Variants in ONECUT3 observed in about 807,000 individuals in gnomAD.
ONECUT3 encodes the protein one cut homeobox 3.
Under a neutral mutation model 16.8 loss-of-function variants are expected in ONECUT3, and 11 were observed. The observed-to-expected ratio is 0.66, with a 90% confidence interval of 0.41 to 1.09. The LOEUF (loss-of-function observed/expected upper bound fraction) is 1.09, where lower values mean the gene tolerates loss of function less well. Among genes scored for constraint, ONECUT3 ranks in the 50% least tolerant of loss-of-function variants. The pLI is 0.00. For missense variants in ONECUT3, 637 were observed against 629.9 expected (o/e 1.01, Z -0.12); for synonymous variants, 344 against 310.7 (o/e 1.11, Z -1.13).
At chr19:1,757,688 G>C (rs1270279251) in intron 1 of ONECUT3, among the ~76,000 whole-genome samples, 1 of 152,224 alleles carries the variant, frequency 6.6e-6, no homozygotes, top group East Asian at 1.9e-4. Context: ...AAGAGGTGGC[G>C]GGGGCGAGGG....
Position 1,775,495 on chromosome 19 carries a change from C to T in ONECUT3, c.*50C>T, listed in dbSNP as rs2068098583. ...TGCCTCCACGGCCTGGGCGCTGTGC[C>T]CCCACGTCACCTCCCCACATCCTGC... On this transcript the variant is annotated 3_prime_UTR_variant, in exon 2 of 2. Coordinates refer to ENST00000382349, the MANE Select transcript of ONECUT3 (RefSeq NM_001080488.2). 2 of 1,411,302 alleles carry T rather than the reference C, an allele frequency of 1.4e-6. No homozygotes were observed. Among genetic ancestry groups the T allele is most frequent in the Non-Finnish European group, 1.8e-6 (2 of 1,090,132 alleles). The allele number at this position is 1,411,302 out of a possible 1,614,324, so 87.4% of individuals were successfully genotyped here. A position where few individuals can be genotyped will look rare whatever the true frequency, so the allele number is the denominator to read the frequency against.
At position 1,775,623 on chromosome 19, in the gene ONECUT3, A is replaced by C; in HGVS notation, c.*178A>C. On this transcript the variant is annotated 3_prime_UTR_variant, in exon 2 of 2. Transcript: ENST00000382349. ...GCACACCCCCCAGCCCAAGTGCACA[A>C]AAAGGGCCCCCCTTCCTCCCTCCAT... 5.6e-6 allele frequency: 3 copies of C among 537,066 alleles called. No individual in the cohort carries two copies. Among genetic ancestry groups the C allele is most frequent in the Admixed American group, 4.2e-5 (1 of 23,642 alleles). 33.3% of individuals were successfully genotyped at this position (537,066 alleles called of 1,614,324 possible).
intron 1 of ONECUT3, among the ~76,000 whole-genome samples, chr19:1,765,953 G>A (rs958578857): frequency 4.6e-5 from 7 of 152,180 alleles, no homozygotes; most frequent in Non-Finnish European, 8.8e-5. Flanking sequence ...CAGCTCTCAC[G>A]TCTCACGTCC....
intron 1 of ONECUT3, 27 bp from the exon 2 acceptor site, chr19:1,775,126 G>GGGCCCCCCCCCCCCC: frequency 8.7e-5 from 100 of 1,143,762 alleles, no homozygotes; most frequent in Non-Finnish European, 1.1e-4. Context: ...TGTCCCGCTC[G>GGGCCCCCCCCCCCCC]CCCGCCCGCC....
Position 1,759,007 on chromosome 19 carries a change from G to A in ONECUT3, c.1192+4153G>A, listed in dbSNP as rs1350309298. 1.3e-5 allele frequency among the ~76,000 whole-genome samples: 2 copies of A among 152,176 alleles called. No homozygotes were observed. Among genetic ancestry groups the A allele is most frequent in the Admixed American group, 1.3e-4 (2 of 15,282 alleles). Reference sequence around the variant, plus strand: ...CCTCATCTCCTCCTGTGGGCACCATGGGGAGGCAGGAGCCCAGAATCCCTG... The same window carrying A: ...CCTCATCTCCTCCTGTGGGCACCATAGGGAGGCAGGAGCCCAGAATCCCTG... On this transcript the variant is annotated intron_variant, in intron 1 of 1. Transcript: ENST00000382349. This position sits in a 1 kb window ranked among gnomAD's most constrained non-coding sequence, Gnocchi z 4.1.
chr19:1,762,835 C>A lies in ONECUT3; in HGVS notation c.1192+7981C>A, dbSNP rs1365495388. On this transcript the variant is annotated intron_variant, in intron 1 of 1. Coordinates refer to ENST00000382349, the MANE Select transcript of ONECUT3 (RefSeq NM_001080488.2). This position sits in a 1 kb window ranked among gnomAD's most constrained non-coding sequence, Gnocchi z 4.4. ...CCCAGAACCGCGGCCGTCCTGGGTG[C>A]GCTCAGCTCCAGCGCAGTGGGAGGA... Among the ~76,000 whole-genome samples the A allele has an allele frequency of 2.0e-5, 3 of 150,518 alleles. No homozygotes were observed. The highest frequency in any genetic ancestry group is 4.4e-5 in the Non-Finnish European group (3 of 67,578).
At position 1,766,952 on chromosome 19, in the gene ONECUT3, A is replaced by G. The variant is rs1319806814; in HGVS notation, c.1193-8201A>G. Among the ~76,000 whole-genome samples the G allele has an allele frequency of 6.6e-6, 1 of 152,064 alleles. No homozygotes were observed. Among genetic ancestry groups the G allele is most frequent in the African/African-American group, 2.4e-5 (1 of 41,410 alleles). On this transcript the variant is annotated intron_variant, in intron 1 of 1. Transcript: ENST00000382349. The surrounding 1 kb of genome is among the most constrained non-coding windows in gnomAD (Gnocchi z 4.0). ...GCCCCACGAGGCTAAAAGGAGGAAC[A>G]GTGGCCCCTGGGAGTCCCAGAGGAG... is the stretch of plus-strand genomic sequence containing the variant.
Position 1,754,782 on chromosome 19 carries a change from G to A in ONECUT3, c.1120G>A (p.Glu374Lys). The change falls in exon 1 of 2, where the codon GAG (glutamate) becomes AAG (lysine). Residue 374 changes from glutamate to lysine, a missense_variant. By Grantham distance (56) the Glu-to-Lys change is moderately conservative. This residue lies in a region of ONECUT3 where 183 missense variants were observed against 188.3 expected (regional missense o/e 0.97). Coordinates refer to ENST00000382349, the MANE Select transcript of ONECUT3 (RefSeq NM_001080488.2). This position sits in a 1 kb window ranked among gnomAD's most constrained non-coding sequence, Gnocchi z 7.4. ...GTGGAGCAAGCTCAAATCCGGCCGC[G>A]AGACCTTCCGCAGGATGTGGAAGTG... ...KPWSKLKSGR[E>K]TFRRMWKWLQ... The A allele has an allele frequency of 6.4e-7, 1 of 1,564,390 alleles. No homozygotes were observed. Among genetic ancestry groups the A allele is most frequent in the Non-Finnish European group, 8.6e-7 (1 of 1,157,002 alleles).
In ONECUT3 at chr19:1,766,531, G is replaced by C. The variant is rs2145962835; in HGVS notation, c.1193-8622G>C. Among the ~76,000 whole-genome samples the C allele has an allele frequency of 6.6e-6, 1 of 151,472 alleles. No individual in the cohort carries two copies. The highest frequency in any genetic ancestry group is 2.4e-5 in the African/African-American group (1 of 41,290). On this transcript the variant is annotated intron_variant, in intron 1 of 1. Transcript: ENST00000382349. This position sits in a 1 kb window ranked among gnomAD's most constrained non-coding sequence, Gnocchi z 4.0. ...GAGGGAGGTAAAGAGAGGGAGGGAA[G>C]GAAAGGGAGGAAAAGAAAAGAGCAG...
rs1354381673 is a variant in ONECUT3, at chr19:1,755,459, TC to T, written c.1192+607del. Among the ~76,000 whole-genome samples the T allele has an allele frequency of 2.7e-5, 4 of 150,204 alleles. No individual in the cohort carries two copies. The highest frequency in any genetic ancestry group is 2.1e-4 in the South Asian group (1 of 4,696). Reference sequence around the variant, plus strand: ...CGATCGATACCCCCTCCCTCTCCCCTCCGGCCGCTGGCAAAGGTCACCCGAG... The same window carrying T: ...CGATCGATACCCCCTCCCTCTCCCCTCGGCCGCTGGCAAAGGTCACCCGAG... On this transcript the variant is annotated intron_variant, in intron 1 of 1. Coordinates refer to ENST00000382349, the MANE Select transcript of ONECUT3 (RefSeq NM_001080488.2). The surrounding 1 kb of genome is among the most constrained non-coding windows in gnomAD (Gnocchi z 7.5).
rs2145961553 is a variant in ONECUT3 at position 1,764,570 on chromosome 19, C to A, written c.1192+9716C>A. On this transcript the variant is annotated intron_variant, in intron 1 of 1. Coordinates refer to ENST00000382349, the MANE Select transcript of ONECUT3 (RefSeq NM_001080488.2). The surrounding 1 kb of genome is among the most constrained non-coding windows in gnomAD (Gnocchi z 5.0). ...GAGGGGTAGTGGGAACAGAGTGGGGCCAGATGAGGGGCTGGGGAGGCCTCT... is the reference window on the plus strand; with the variant it reads ...GAGGGGTAGTGGGAACAGAGTGGGGACAGATGAGGGGCTGGGGAGGCCTCT... Among the ~76,000 whole-genome samples, 1 of 151,822 alleles carries A rather than the reference C, an allele frequency of 6.6e-6. No individual in the cohort carries two copies. The highest frequency in any genetic ancestry group is 1.9e-4 in the East Asian group (1 of 5,148).
chr19:1,757,137 G>GT (rs937617067), intron 1 of ONECUT3, among the ~76,000 whole-genome samples: 2 of 151,904 alleles, frequency 1.3e-5, no homozygotes, highest in African/African-American at 4.8e-5. Flanking sequence ...TCCCATGGGG[G>GT]GGGGGTGGGC....
chr19:1,761,745 A>G (rs932354301), intron 1 of ONECUT3, among the ~76,000 whole-genome samples: 4 of 152,192 alleles, frequency 2.6e-5, no homozygotes, highest in Non-Finnish European at 5.9e-5. Context: ...GGAGCCAGGG[A>G]GACCCACCTG....
intron 1 of ONECUT3, 27 bp from the exon 2 acceptor site, chr19:1,775,126 G>GGGCGCC: frequency 1.7e-6 from 2 of 1,143,886 alleles, no homozygotes; most frequent in Non-Finnish European, 1.2e-6. Context: ...TGTCCCGCTC[G>GGGCGCC]CCCGCCCGCC....
chr19:1,777,438 GCAGACGCACA>G lies in ONECUT3; in HGVS notation c.*1998_*2007del, dbSNP rs11279525. On this transcript the variant is annotated 3_prime_UTR_variant, in exon 2 of 2. Coordinates refer to ENST00000382349, the MANE Select transcript of ONECUT3 (RefSeq NM_001080488.2). ...TGCAAAGACACGCATGCAGGCACAC[GCAGACGCACA>G]CAGAGACACACATGCAGATACACAT... 0.26 allele frequency: 39,125 copies of G among 148,496 alleles called. 5,247 individuals carry two copies. The highest frequency in any genetic ancestry group is 0.42 in the East Asian group (2,137 of 5,120). The allele number at this position is 148,496 out of a possible 1,614,324, so 9.2% of individuals were successfully genotyped here.
Position 1,764,669 on chromosome 19 carries a change from T to C in ONECUT3, c.1192+9815T>C, listed in dbSNP as rs1432703153. 6.6e-6 allele frequency among the ~76,000 whole-genome samples: 1 copy of C among 152,020 alleles called. No individual in the cohort carries two copies. ...TTCCACTGCCTCCCACCCATGGGAA[T>C]CAATTTTCCAGCTCCCCGAGGGGTG... On this transcript the variant is annotated intron_variant, in intron 1 of 1. Transcript: ENST00000382349. This position sits in a 1 kb window ranked among gnomAD's most constrained non-coding sequence, Gnocchi z 5.0.
chr19:1,779,171 T>C lies in ONECUT3; in HGVS notation c.*3726T>C, dbSNP rs941364847. 1.3e-5 allele frequency: 2 copies of C among 152,216 alleles called. No homozygotes were observed. The highest frequency in any genetic ancestry group is 2.9e-5 in the Non-Finnish European group (2 of 68,044). The allele number at this position is 152,216 out of a possible 1,614,324, so 9.4% of individuals were successfully genotyped here. ...ATGTGATTAAAAAAAAATCCTTAGCTAGTTTTTGGAATACGTGACTTGAAG... is the reference window on the plus strand; with the variant it reads ...ATGTGATTAAAAAAAAATCCTTAGCCAGTTTTTGGAATACGTGACTTGAAG... On this transcript the variant is annotated 3_prime_UTR_variant, in exon 2 of 2. Coordinates refer to ENST00000382349, the MANE Select transcript of ONECUT3 (RefSeq NM_001080488.2).
intron 1 of ONECUT3, among the ~76,000 whole-genome samples, chr19:1,760,191 C>G (rs993512683): frequency 1.1e-4 from 16 of 152,312 alleles, no homozygotes; most frequent in Non-Finnish European, 2.1e-4. Flanking sequence ...TTGCCAGAGC[C>G]CCGCACTGCT....
At chr19:1,775,121 C>T (rs1337581091) in intron 1 of ONECUT3, 32 bp from the exon 2 acceptor site, 1 of 1,164,096 alleles carries the variant, frequency 8.6e-7, no homozygotes, top group East Asian at 2.9e-5. Context: ...CGCTGTGTCC[C>T]GCTCGCCCGC....
Sources: gnomAD v4.1 joint callset for allele counts (sites outside exome capture counted in the v4.1 genomes callset) on GRCh38, gnomAD v4.1.1 for gene constraint, gnomAD v4.1.1 regional missense constraint, Gnocchi (gnomAD v3.1) non-coding constraint, MANE v1.5 for transcripts, NCBI Gene and HGNC (gene_info 2026-07-23, HGNC 2026-07-21) for gene names.